CTTN: variants seen among roughly 807,000 people sequenced by gnomAD.
The protein encoded by CTTN is cortactin.
In CTTN, 28 loss-of-function variants were observed where a neutral mutation model predicts 84.0. The ratio of observed to expected loss-of-function variants is 0.33; its 90% CI spans 0.25 to 0.46. The LOEUF (loss-of-function observed/expected upper bound fraction) is 0.46. CTTN is among the 20% of genes least tolerant of loss of function. The pLI, the probability that CTTN is intolerant of heterozygous loss-of-function variation, is 1.00. For missense variants in CTTN, 641 were observed against 723.8 expected (o/e 0.89, Z 1.31); for synonymous variants, 301 against 288.8 (o/e 1.04, Z -0.43).
At chr11:70,420,550 T>A in intron 10 of CTTN, 40 bp downstream of exon 10, 1 of 1,482,058 alleles carries the variant, frequency 6.7e-7, no homozygotes, top group African/African-American at 1.4e-5. Context: ...GTTTTAGAAG[T>A]TTGTTTTTGT....
rs1294034468 is a variant in CTTN at position 70,423,128 on chromosome 11, T to TGGC, written c.957+135_957+137dup. ...ATTTCCGTCGTGGTGGTGGTGGTGG[T>TGGC]GGCGATGACTGACTCGGACAGTCTT... On this transcript the variant is annotated intron_variant, in intron 12 of 17. Coordinates refer to ENST00000301843, the MANE Select transcript of CTTN (RefSeq NM_005231.4). 16 of 1,070,512 alleles carry TGGC rather than the reference T, an allele frequency of 1.5e-5. No individual in the cohort carries two copies. In the Admixed American group the frequency reaches 2.4e-4, roughly 16 times the overall value. 66.3% of individuals were successfully genotyped at this position (1,070,512 alleles called of 1,614,324 possible).
chr11:70,422,478 T>C (rs1417972333), intron 11 of CTTN: 1 of 1,284,352 alleles, frequency 7.8e-7, no homozygotes, highest in South Asian at 1.2e-5. Context: ...TGGTAGAATT[T>C]CCACATGGAT....
At chr11:70,429,351 C>G (rs2058330866) in intron 14 of CTTN, 152 bp downstream of exon 14, 8 of 806,902 alleles carry the variant, frequency 9.9e-6, no homozygotes, top group Non-Finnish European at 1.6e-5. Context: ...TCCATTAAGG[C>G]ACTTGTCACT....
chr11:70,412,418 G>A (rs541306957), intron 5 of CTTN, among the ~76,000 whole-genome samples: 2 of 152,116 alleles, frequency 1.3e-5, no homozygotes, highest in Non-Finnish European at 2.9e-5. Context: ...GAGAGACGCT[G>A]TCTCAGGAAA....
intron 13 of CTTN, among the ~76,000 whole-genome samples, chr11:70,425,990 T>G (rs1030433173): frequency 1.1e-4 from 16 of 152,286 alleles, no homozygotes; most frequent in Admixed American, 9.8e-4. Flanking sequence ...CACCACTGAC[T>G]TCCTTCAGGG....
chr11:70,426,745 C>T (rs577782114), intron 13 of CTTN, among the ~76,000 whole-genome samples: 4 of 151,758 alleles, frequency 2.6e-5, no homozygotes, highest in East Asian at 2.0e-4. Context: ...CCTGCCACCA[C>T]GCCCGGCTAA....
chr11:70,425,040 G>A (rs1458633683), intron 12 of CTTN, among the ~76,000 whole-genome samples: 5 of 152,330 alleles, frequency 3.3e-5, no homozygotes, highest in African/African-American at 1.2e-4. Flanking sequence ...GGGTGGCGAC[G>A]GAGGGTGGGG....
In CTTN at chr11:70,435,651, A is replaced by G. The variant is rs1339397661; in HGVS notation, c.*489A>G. On this transcript the variant is annotated 3_prime_UTR_variant, in exon 18 of 18. Transcript: ENST00000301843. ...GGGAGGAGAGGACTGGGCCTGATGG[A>G]AGTTAACCCGGAGCTAAGTCACCCA... The G allele has an allele frequency of 2.2e-5, 35 of 1,596,078 alleles. No individual in the cohort carries two copies. The highest frequency in any genetic ancestry group is 2.9e-5 in the Non-Finnish European group (34 of 1,178,914).
chr11:70,418,657 CT>C (rs906103048), intron 8 of CTTN, among the ~76,000 whole-genome samples: 3 of 152,196 alleles, frequency 2.0e-5, no homozygotes, highest in Admixed American at 1.3e-4. Flanking sequence ...GAAGAGTGGC[CT>C]TTGAAAGCCT....
At chr11:70,405,627 A>AC (rs1157285234) in intron 2 of CTTN, among the ~76,000 whole-genome samples, 1 of 151,442 alleles carries the variant, frequency 6.6e-6, no homozygotes, top group Non-Finnish European at 1.5e-5. Context: ...CCCCTTCCCC[A>AC]CCCCATGAAC....
intron 1 of CTTN, among the ~76,000 whole-genome samples, chr11:70,398,946 T>G: frequency 7.4e-6 from 1 of 135,544 alleles, no homozygotes; most frequent in African/African-American, 2.8e-5. Context: ...GAGGGGAGGG[T>G]CCCTGGGCGC....
At chr11:70,418,264 TCCTGCC>T in intron 8 of CTTN, among the ~76,000 whole-genome samples, 1 of 152,234 alleles carries the variant, frequency 6.6e-6, no homozygotes, top group Non-Finnish European at 1.5e-5. Context: ...GGCCTTGCCT[TCCTGCC>T]GGTCAGGCCT....
chr11:70,399,745 A>G (rs550116444), intron 1 of CTTN, among the ~76,000 whole-genome samples: 3 of 152,058 alleles, frequency 2.0e-5, no homozygotes, highest in Non-Finnish European at 2.9e-5. Context: ...TTGGGGAGGA[A>G]TTCATTTTCT....
Position 70,433,195 on chromosome 11 carries a change from G to A in CTTN, c.1361G>A (p.Arg454Gln), listed in dbSNP as rs144627623. 2.3e-5 allele frequency: 37 copies of A among 1,613,388 alleles called. No individual in the cohort carries two copies. Among genetic ancestry groups the A allele is most frequent in the African/African-American group, 5.3e-5 (4 of 74,926 alleles). The change falls in exon 16 of 18, where the codon CGA (arginine) becomes CAA (glutamine). Residue 454 changes from arginine to glutamine, a missense_variant. By Grantham distance (43) the Arg-to-Gln change is conservative (BLOSUM62 1). Coordinates refer to ENST00000301843, the MANE Select transcript of CTTN (RefSeq NM_005231.4). Reference sequence around the variant, plus strand: ...TACAGCATGGAGGCCGCTGACTACCGAGAGGCCAGCAGCCAGCAGGGCCTG... The same window carrying A: ...TACAGCATGGAGGCCGCTGACTACCAAGAGGCCAGCAGCCAGCAGGGCCTG... ...PVYSMEAADY[R>Q]EASSQQGLAY...
At chr11:70,407,433 T>C (rs1463550193) in intron 3 of CTTN, 49 bp downstream of exon 3, 2 of 1,611,882 alleles carry the variant, frequency 1.2e-6, no homozygotes, top group African/African-American at 2.7e-5. Flanking sequence ...TGGAAGTGGC[T>C]CTCCTGGGTT....
At position 70,425,326 on chromosome 11, in the gene CTTN, C is replaced by G. The variant is rs943330169; in HGVS notation, c.958-6C>G. 1.1e-5 allele frequency: 17 copies of G among 1,610,836 alleles called. No homozygotes were observed. The highest frequency in any genetic ancestry group is 2.2e-5 in the East Asian group (1 of 44,862). ...CTCTCCTGACGCCCATGTCCTGTCT[C>G]TGCAGAATGCGTCAACCTTTGAGGA... On this transcript the variant is annotated splice_polypyrimidine_tract_variant and splice_region_variant and intron_variant, in intron 12 of 17. Coordinates refer to ENST00000301843, the MANE Select transcript of CTTN (RefSeq NM_005231.4).
At chr11:70,417,216 T>C (rs540085825) in intron 8 of CTTN, 93 bp downstream of exon 8, 1 of 976,860 alleles carries the variant, frequency 1.0e-6, no homozygotes, top group Non-Finnish European at 1.6e-6. Flanking sequence ...TTGTAGATTT[T>C]TTAACTGAAA....
intron 1 of CTTN, among the ~76,000 whole-genome samples, chr11:70,399,987 G>T (rs1290660741): frequency 1.3e-5 from 2 of 152,218 alleles, no homozygotes; most frequent in Non-Finnish European, 2.9e-5. Flanking sequence ...GTGAGTCACT[G>T]GCTCCAGAGC....
chr11:70,411,177 G>A (rs140307055), intron 5 of CTTN, among the ~76,000 whole-genome samples: 73 of 146,378 alleles, frequency 5.0e-4, no homozygotes, highest in African/African-American at 1.9e-3. Flanking sequence ...AGTGCAGCGA[G>A]CGAAGCAAGT....
Sources: allele counts gnomAD v4.1 joint callset (sites outside exome capture counted in the v4.1 genomes callset), GRCh38; gene constraint gnomAD v4.1.1; transcripts MANE v1.5; gene names NCBI Gene and HGNC (gene_info 2026-07-23, HGNC 2026-07-21).